Variants in PDS5B observed in about 807,000 individuals in gnomAD.
PDS5B encodes the protein PDS5 cohesin associated factor B, also known as sister chromatid cohesion protein PDS5 homolog B.
Under a neutral mutation model 184.1 loss-of-function variants are expected in PDS5B, and 51 were observed. The observed-to-expected ratio is 0.28, with a 90% CI of 0.22 to 0.35. The LOEUF (loss-of-function observed/expected upper bound fraction) is 0.35, where lower values mean the gene tolerates loss of function less well. PDS5B is among the 10% of genes least tolerant of loss of function. PDS5B has a pLI of 1.00. For synonymous variants in PDS5B, 566 were observed against 569.2 expected, an observed-to-expected ratio of 0.99 and a Z score of 0.08; for missense variants, 1,180 against 1,723.3, an observed-to-expected ratio of 0.68 and a Z score of 5.58.
intron 19 of PDS5B, among the ~76,000 whole-genome samples, chr13:32,725,093 C>A (rs1011660309): frequency 6.6e-6 from 1 of 152,108 alleles, no homozygotes; most frequent in Non-Finnish European, 1.5e-5. Flanking sequence ...TTCTTCATTT[C>A]CTAGCTGAAT....
chr13:32,681,481 G>A (rs1230509004), intron 10 of PDS5B, among the ~76,000 whole-genome samples: 2 of 151,938 alleles, frequency 1.3e-5, no homozygotes, highest in Non-Finnish European at 2.9e-5. Context: ...AAAATTAGCC[G>A]GGTGTGGTGG....
intron 19 of PDS5B, among the ~76,000 whole-genome samples, chr13:32,716,969 G>C (rs1371981497): frequency 6.1e-5 from 7 of 115,660 alleles, no homozygotes; most frequent in Non-Finnish European, 1.1e-4. Context: ...GGAGGGAGGT[G>C]GGGGGGTCAG....
chr13:32,750,701 C>G (rs1274937488), intron 24 of PDS5B, among the ~76,000 whole-genome samples: 1 of 152,096 alleles, frequency 6.6e-6, no homozygotes, highest in East Asian at 1.9e-4. Context: ...GCCACCACAC[C>G]TGGCTAATTA....
chr13:32,734,011 C>CACACACACACAA (rs1341139943), intron 20 of PDS5B, among the ~76,000 whole-genome samples: 2 of 151,490 alleles, frequency 1.3e-5, no homozygotes, highest in East Asian at 3.9e-4. Context: ...CACACACACA[C>CACACACACACAA]ACAAACATAT....
At chr13:32,717,718 A>AT (rs1378163811) in intron 19 of PDS5B, among the ~76,000 whole-genome samples, 1 of 144,336 alleles carries the variant, frequency 6.9e-6, no homozygotes, top group Non-Finnish European at 1.5e-5. Context: ...AAATCAATAA[A>AT]TTAAAAAAAA....
chr13:32,710,694 A>G (rs983921894), intron 19 of PDS5B, among the ~76,000 whole-genome samples: 2 of 152,206 alleles, frequency 1.3e-5, no homozygotes, highest in African/African-American at 2.4e-5. Context: ...CTCTTCTTCT[A>G]GTTCTTGGAG....
rs373562128 is a variant in PDS5B at position 32,746,020 on chromosome 13, A to G, written c.2656A>G (p.Ile886Val). The G allele has an allele frequency of 3.1e-5, 50 of 1,612,892 alleles. 1 individual carries two copies. The Middle Eastern group carries it at 8.2e-4, about 27-fold the overall frequency. ...TCTGAGACTTGCTGCTGGGAGTGCT[A>G]TTGTGAAGCTGGCACAAGAACCCTG... is the stretch of plus-strand genomic sequence containing the variant. ...SRLRLAAGSAIVKLAQEPCYH... is the reference protein window; with the variant it reads ...SRLRLAAGSAVVKLAQEPCYH... The change falls in exon 24 of 35, where the codon ATT (isoleucine) becomes GTT (valine). Residue 886 changes from isoleucine to valine, a missense_variant. Transcript: ENST00000315596.
At chr13:32,609,960 A>G (rs1481151879) in intron 1 of PDS5B, among the ~76,000 whole-genome samples, 1 of 152,190 alleles carries the variant, frequency 6.6e-6, no homozygotes, top group Non-Finnish European at 1.5e-5. Flanking sequence ...AAAATTTAAT[A>G]GAGGAAAAAA....
At chr13:32,773,951 A>G (rs774899240) in intron 34 of PDS5B, among the ~76,000 whole-genome samples, 19 of 152,012 alleles carry the variant, frequency 1.2e-4, no homozygotes, top group East Asian at 1.9e-4. Flanking sequence ...TTACAGGCCA[A>G]TGCCACTGTG....
intron 19 of PDS5B, among the ~76,000 whole-genome samples, chr13:32,729,425 A>G (rs1340710412): frequency 6.6e-6 from 1 of 152,090 alleles, no homozygotes; most frequent in African/African-American, 2.4e-5. Flanking sequence ...ATATGTCTTT[A>G]TAGTAGAATG....
intron 1 of PDS5B, among the ~76,000 whole-genome samples, chr13:32,606,062 T>C (rs938409585): frequency 1.3e-5 from 2 of 152,230 alleles, no homozygotes; most frequent in African/African-American, 4.8e-5. Flanking sequence ...ATTTAGCCCA[T>C]TTACATTTGA....
intron 1 of PDS5B, among the ~76,000 whole-genome samples, chr13:32,591,207 C>T (rs2057770431): frequency 6.6e-6 from 1 of 152,102 alleles, no homozygotes; most frequent in Admixed American, 6.5e-5. Flanking sequence ...TGGCTCACCA[C>T]AACCTCCACC....
chr13:32,659,315 C>T (rs1339612893), intron 6 of PDS5B, 35 bp downstream of exon 6: 22 of 1,472,780 alleles, frequency 1.5e-5, no homozygotes, highest in Non-Finnish European at 1.9e-5. Flanking sequence ...GTGTCTAATG[C>T]CCGTTAATAT....
intron 31 of PDS5B, among the ~76,000 whole-genome samples, chr13:32,765,948 G>C (rs80106642): frequency 0.038 from 5,793 of 152,288 alleles, 343 homozygotes; most frequent in African/African-American, 0.13. Flanking sequence ...TATGTATACT[G>C]TAAGTTACGA....
Position 32,741,071 on chromosome 13 carries a change from T to C in PDS5B, c.2407-9T>C. On this transcript the variant is annotated splice_polypyrimidine_tract_variant and intron_variant, in intron 21 of 34. Transcript: ENST00000315596. ...CCCTGGTTTTTTTTTTTTTCTCGTTTATTTTTAGCTTCCAGGGAAAAAGAC... is the reference window on the plus strand; with the variant it reads ...CCCTGGTTTTTTTTTTTTTCTCGTTCATTTTTAGCTTCCAGGGAAAAAGAC... 1 of 1,482,664 alleles carries C rather than the reference T, an allele frequency of 6.7e-7. No homozygotes were observed. Among genetic ancestry groups the C allele is most frequent in the Non-Finnish European group, 9.3e-7 (1 of 1,077,742 alleles). 91.8% of individuals were successfully genotyped at this position (1,482,664 alleles called of 1,614,324 possible).
intron 1 of PDS5B, among the ~76,000 whole-genome samples, chr13:32,594,118 G>A (rs1036483352): frequency 1.3e-5 from 2 of 152,144 alleles, no homozygotes; most frequent in East Asian, 3.9e-4. Context: ...TTATATGCTG[G>A]TTAAAAAGCA....
chr13:32,715,806 G>A (rs988056168), intron 19 of PDS5B, among the ~76,000 whole-genome samples: 1 of 152,120 alleles, frequency 6.6e-6, no homozygotes, highest in Admixed American at 6.5e-5. Context: ...TTGCAGGTGC[G>A]CGCCGCCACG....
intron 18 of PDS5B, 90 bp from the exon 19 acceptor site, chr13:32,709,856 G>A (rs1028966658): frequency 1.3e-6 from 1 of 748,976 alleles, no homozygotes; most frequent in Non-Finnish European, 1.9e-6. Context: ...AATAGACTTT[G>A]ATTTATAGTA....
rs565528761 is a variant in PDS5B, at chr13:32,721,407, C to T, written c.2124-10694C>T. On this transcript the variant is annotated intron_variant, in intron 19 of 34. Coordinates refer to ENST00000315596, the MANE Select transcript of PDS5B (RefSeq NM_015032.4). ...GCGGGGGTGCCCCTCACTTCCCAGA[C>T]GGAGCGGCTGCCGGGCGGAGGGGCT... Among the ~76,000 whole-genome samples, 19 of 151,542 alleles carry T rather than the reference C, an allele frequency of 1.3e-4. No homozygotes were observed. In the East Asian group the frequency reaches 1.6e-3, roughly 13 times the overall value.
Sources: gnomAD v4.1 joint callset for allele counts (sites outside exome capture counted in the v4.1 genomes callset) on GRCh38, gnomAD v4.1.1 for gene constraint, MANE v1.5 for transcripts, NCBI Gene and HGNC (gene_info 2026-07-23, HGNC 2026-07-21) for gene names.